GRIK1: variants seen among roughly 807,000 people sequenced by gnomAD.
The protein encoded by GRIK1 is glutamate receptor ionotropic, kainate 1.
A neutral mutation model predicts 105.7 loss-of-function variants in GRIK1; 69 were observed. The observed-to-expected ratio is 0.65, with a 90% CI of 0.54 to 0.80. The LOEUF is 0.80. Ranked by LOEUF, GRIK1 falls within the 30% of genes least tolerant of loss-of-function variation. The pLI is 0.00. For missense variants in GRIK1, 1,109 were observed against 1,167.3 expected (o/e 0.95, Z 0.73); for synonymous variants, 438 against 431.3 (o/e 1.02, Z -0.19).
intron 1 of GRIK1, among the ~76,000 whole-genome samples, chr21:29,774,446 C>CTTTT (rs34378438): frequency 1.6e-4 from 16 of 102,426 alleles, no homozygotes; most frequent in East Asian, 5.8e-4. Context: ...TTATTTTGCT[C>CTTTT]TTTTTTTTTT....
chr21:29,748,841 G>A (rs946496080), intron 1 of GRIK1: 8 of 152,184 alleles, frequency 5.3e-5, no homozygotes, highest in South Asian at 2.1e-4. Context: ...CAGCTACCTG[G>A]AACGGGCAGG....
intron 1 of GRIK1, among the ~76,000 whole-genome samples, chr21:29,702,574 G>A (rs2063832199): frequency 1.3e-5 from 2 of 152,120 alleles, no homozygotes; most frequent in Non-Finnish European, 2.9e-5. Flanking sequence ...AGCCAAGCAT[G>A]GTGGCACGCA....
chr21:29,936,826 G>C (rs1056807072), intron 1 of GRIK1, among the ~76,000 whole-genome samples: 1 of 152,188 alleles, frequency 6.6e-6, no homozygotes, highest in African/African-American at 2.4e-5. Context: ...AAGAAAAGTA[G>C]ACCAGTAATT....
chr21:29,734,659 A>G (rs1211849634), intron 1 of GRIK1, among the ~76,000 whole-genome samples: 1 of 152,044 alleles, frequency 6.6e-6, no homozygotes, highest in Non-Finnish European at 1.5e-5. Context: ...TGGGCCTCCC[A>G]AATTTCTTGG....
At chr21:29,749,952 TTTA>T (rs2065142526) in intron 1 of GRIK1, among the ~76,000 whole-genome samples, 1 of 152,000 alleles carries the variant, frequency 6.6e-6, no homozygotes. Flanking sequence ...TTGTGAAGTC[TTTA>T]TTATTTTTAC....
At chr21:29,545,743 G>C (rs73348550) in intron 16 of GRIK1, among the ~76,000 whole-genome samples, 1 of 151,968 alleles carries the variant, frequency 6.6e-6, no homozygotes, top group East Asian at 1.9e-4. Context: ...CATAGTTTTC[G>C]GGGTACCAGT....
At chr21:29,769,242 A>T (rs961750024) in intron 1 of GRIK1, among the ~76,000 whole-genome samples, 1 of 152,140 alleles carries the variant, frequency 6.6e-6, no homozygotes, top group Non-Finnish European at 1.5e-5. Flanking sequence ...TCAAATTAAA[A>T]CGAGGTCACT....
intron 1 of GRIK1, among the ~76,000 whole-genome samples, chr21:29,894,869 C>T (rs910561846): frequency 3.3e-5 from 5 of 152,184 alleles, no homozygotes; most frequent in Non-Finnish European, 7.3e-5. Context: ...GCTATTTCCC[C>T]TTCTCCTGAC....
At chr21:29,710,730 T>C (rs567143370) in intron 1 of GRIK1, among the ~76,000 whole-genome samples, 1 of 152,088 alleles carries the variant, frequency 6.6e-6, no homozygotes, top group South Asian at 2.1e-4. Flanking sequence ...ATTGTTATAT[T>C]TTTCTTATTT....
At chr21:29,844,923 G>C (rs1402670283) in intron 1 of GRIK1, among the ~76,000 whole-genome samples, 1 of 152,102 alleles carries the variant, frequency 6.6e-6, no homozygotes, top group Non-Finnish European at 1.5e-5. Context: ...TACCAGAAGG[G>C]GAATTCAGGA....
chr21:29,774,289 A>G (rs420121), intron 1 of GRIK1, among the ~76,000 whole-genome samples: 92,409 of 152,012 alleles, frequency 0.61, 29,569 homozygotes, highest in South Asian at 0.71. Context: ...ATATTATTCA[A>G]CAACTTAAGC....
At chr21:29,541,564 G>A (rs1246234899) in intron 16 of GRIK1, among the ~76,000 whole-genome samples, 3 of 115,752 alleles carry the variant, frequency 2.6e-5, no homozygotes, top group South Asian at 5.0e-4. Flanking sequence ...GCCATTCATT[G>A]CACTCACGGT....
chr21:29,858,004 A>T (rs1657133291), intron 1 of GRIK1, among the ~76,000 whole-genome samples: 1 of 152,232 alleles, frequency 6.6e-6, no homozygotes, highest in South Asian at 2.1e-4. Context: ...GGCTCAAGCA[A>T]TTCTCTTGCC....
chr21:29,596,742 C>A, intron 8 of GRIK1, 172 bp from the exon 9 acceptor site: 2 of 615,166 alleles, frequency 3.3e-6, no homozygotes, highest in South Asian at 1.9e-5. Flanking sequence ...AGCAAAGAGA[C>A]GAATCAAGAC....
chr21:29,606,158 G>A (rs892645056), intron 7 of GRIK1, among the ~76,000 whole-genome samples: 1 of 152,076 alleles, frequency 6.6e-6, no homozygotes, highest in African/African-American at 2.4e-5. Context: ...CAGATTCTGT[G>A]AAATTACATG....
At position 29,676,104 on chromosome 21, in the gene GRIK1, T is replaced by C. The variant is rs573212201; in HGVS notation, c.545-2940A>G. On this transcript the variant is annotated intron_variant, in intron 3 of 17. Transcript: ENST00000327783. ...CAGTTGTTTCATAAAAGAAGGTATA[T>C]TTTAATACCAATAGAGGAAATAGGA... 4.6e-5 allele frequency among the ~76,000 whole-genome samples: 7 copies of C among 152,326 alleles called. No individual in the cohort carries two copies. The South Asian group carries it at 1.2e-3, about 27-fold the overall frequency.
intron 1 of GRIK1, among the ~76,000 whole-genome samples, chr21:29,717,954 G>T (rs1408091463): frequency 1.3e-5 from 2 of 152,092 alleles, no homozygotes; most frequent in African/African-American, 2.4e-5. Flanking sequence ...CATGGGGGTG[G>T]TTACCCTATG....
chr21:29,648,211 A>G (rs1298772742), intron 6 of GRIK1, among the ~76,000 whole-genome samples: 2 of 152,186 alleles, frequency 1.3e-5, no homozygotes, highest in Non-Finnish European at 2.9e-5. Flanking sequence ...TGCACCACAT[A>G]CCAATATGAC....
intron 1 of GRIK1, among the ~76,000 whole-genome samples, chr21:29,811,991 TC>T (rs1448167387): frequency 6.6e-6 from 1 of 152,102 alleles, no homozygotes; most frequent in African/African-American, 2.4e-5. Context: ...TCCAAAACGA[TC>T]CCTTTTAAAA....
Sources: gnomAD v4.1 joint callset for allele counts (sites outside exome capture counted in the v4.1 genomes callset) on GRCh38, gnomAD v4.1.1 for gene constraint, MANE v1.5 for transcripts, NCBI Gene and HGNC (gene_info 2026-07-23, HGNC 2026-07-21) for gene names.